Variants in ARMC6 observed in about 807,000 individuals in gnomAD.
ARMC6 encodes armadillo repeat containing 6.
ARMC6 carries 43 observed loss-of-function variants against 49.2 expected under a neutral mutation model. The observed-to-expected ratio is 0.87, with a 90% CI of 0.69 to 1.13. ARMC6 has a LOEUF of 1.13. ARMC6 is among the 50% of genes most tolerant of loss of function. The pLI, the probability that ARMC6 is intolerant of heterozygous loss-of-function variation, is 0.00. For missense variants in ARMC6, 627 were observed against 682.0 expected (o/e 0.92, Z 0.90); for synonymous variants, 262 against 289.6 (o/e 0.90, Z 0.97).
At chr19:19,050,927 G>T (rs1392589504) in intron 4 of ARMC6, among the ~76,000 whole-genome samples, 1 of 152,226 alleles carries the variant, frequency 6.6e-6, no homozygotes, top group Non-Finnish European at 1.5e-5. Flanking sequence ...ATGTCCCGAG[G>T]TCATGTAGTT....
intron 8 of ARMC6, among the ~76,000 whole-genome samples, chr19:19,057,038 G>A (rs10423504): frequency 0.02 from 3,102 of 152,362 alleles, 102 homozygotes; most frequent in African/African-American, 0.071. Context: ...GGGTAGGGAT[G>A]TAATTGACAG....
At chr19:19,046,454 C>T (rs1480389788) in intron 4 of ARMC6, among the ~76,000 whole-genome samples, 1 of 151,900 alleles carries the variant, frequency 6.6e-6, no homozygotes, top group Non-Finnish European at 1.5e-5. Flanking sequence ...GCCTCGGCCT[C>T]CCAAAGTGCT....
At chr19:19,042,395 C>A (rs953626194) in intron 2 of ARMC6, among the ~76,000 whole-genome samples, 8 of 151,520 alleles carry the variant, frequency 5.3e-5, no homozygotes, top group Non-Finnish European at 8.8e-5. Context: ...GTGGCCCAGG[C>A]TGGAGTGTAG....
Position 19,055,533 on chromosome 19 carries a change from T to G in ARMC6, c.1155+137T>G, listed in dbSNP as rs1200034381. On this transcript the variant is annotated intron_variant, in intron 7 of 8. Coordinates refer to ENST00000535612, the MANE Select transcript of ARMC6 (RefSeq NM_001199196.2). This position sits in a 1 kb window ranked among gnomAD's most constrained non-coding sequence, Gnocchi z 5.7. ...AGGGTCGTGGGCATTGGCTCTCAAA[T>G]GCTGACCTGCGTATGCATGACTTTG... 1 of 1,318,970 alleles carries G rather than the reference T, an allele frequency of 7.6e-7. No homozygotes were observed. The highest frequency in any genetic ancestry group is 1.0e-6 in the Non-Finnish European group (1 of 981,314). 81.7% of individuals were successfully genotyped at this position (1,318,970 alleles called of 1,614,324 possible).
rs2059501432 is a variant in ARMC6 at position 19,052,015 on chromosome 19, C to T, written c.673C>T (p.Leu225=). 2 of 1,614,062 alleles carry T rather than the reference C, an allele frequency of 1.2e-6. No homozygotes were observed. The highest frequency in any genetic ancestry group is 1.7e-6 in the Non-Finnish European group (2 of 1,180,048). The part of the protein sequence containing the change: ...DLVKAGVLPL[L]TGAITHHGHH... ...GGTGAAAGCTGGCGTGCTGCCTCTG[C>T]TGACTGGTGCCATCACCCATCATGG... Residue 225 remains leucine, a synonymous_variant, in exon 5 of 9, where the codon CTG becomes TTG. Coordinates refer to ENST00000535612, the MANE Select transcript of ARMC6 (RefSeq NM_001199196.2).
intron 4 of ARMC6, among the ~76,000 whole-genome samples, chr19:19,048,143 C>T (rs1036089550): frequency 1.3e-5 from 2 of 151,894 alleles, no homozygotes; most frequent in Non-Finnish European, 2.9e-5. Flanking sequence ...GTCAGGTGTT[C>T]GAGACCAGCC....
chr19:19,034,665 T>C (rs1304984001), intron 2 of ARMC6, among the ~76,000 whole-genome samples: 2 of 152,172 alleles, frequency 1.3e-5, no homozygotes, highest in Non-Finnish European at 2.9e-5. Flanking sequence ...CTTGACTCAC[T>C]GCAACCTCCA....
Position 19,058,152 on chromosome 19 carries a change from A to G in ARMC6, c.*524A>G, listed in dbSNP as rs932841526. On this transcript the variant is annotated 3_prime_UTR_variant, in exon 9 of 9. Transcript: ENST00000535612. ...CCTGGGCCAGCCAGGATACCTGATA[A>G]TAAAAGATCATTGGGTGAACAGCGG... 3 of 180,712 alleles carry G rather than the reference A, an allele frequency of 1.7e-5. No homozygotes were observed. Among genetic ancestry groups the G allele is most frequent in the Admixed American group, 5.8e-5 (1 of 17,324 alleles). 11.2% of individuals were successfully genotyped at this position (180,712 alleles called of 1,614,324 possible). A position where few individuals can be genotyped will look rare whatever the true frequency, so the allele number is the denominator to read the frequency against.
chr19:19,045,503 T>TTTTTTTTTTTTTTTTTTTTC (rs1179872355), intron 4 of ARMC6, among the ~76,000 whole-genome samples: 2 of 141,014 alleles, frequency 1.4e-5, no homozygotes, highest in African/African-American at 5.5e-5. Context: ...CTTTTTTTTT[T>TTTTTTTTTTTTTTTTTTTTC]TGAGACAAGA....
Position 19,054,164 on chromosome 19 carries a change from A to G in ARMC6, c.866A>G (p.Asn289Ser), listed in dbSNP as rs2059523157. The G allele has an allele frequency of 6.3e-7, 1 of 1,583,814 alleles. No individual in the cohort carries two copies. Among genetic ancestry groups the G allele is most frequent in the African/African-American group, 1.4e-5 (1 of 73,536 alleles). Residue 289 changes from asparagine to serine, a missense_variant, in exon 6 of 9, where the codon AAC becomes AGC. Asn to Ser is a conservative substitution (Grantham distance 46, BLOSUM62 1). Transcript: ENST00000535612. ...LIEATKAFLDNPGILSELCGT... is the reference protein window; with the variant it reads ...LIEATKAFLDSPGILSELCGT... ...TTTCTCCCTGCAGCGTTCCTGGATA[A>G]CCCTGGCATCCTGAGCGAGCTCTGT...
Position 19,055,375 on chromosome 19 carries a change from C to T in ARMC6, c.1134C>T (p.Thr378=). 6.2e-7 allele frequency: 1 copy of T among 1,610,526 alleles called. No homozygotes were observed. Among genetic ancestry groups the T allele is most frequent in the African/African-American group, 1.3e-5 (1 of 74,878 alleles). Residue 378 remains threonine (T), a synonymous_variant, in exon 7 of 9, where the codon ACC becomes ACT. Coordinates refer to ENST00000535612, the MANE Select transcript of ARMC6 (RefSeq NM_001199196.2). The surrounding 1 kb of genome is among the most constrained non-coding windows in gnomAD (Gnocchi z 5.7). ...GGTESIVAAM[T]QHLTSPQVCE... ...CGGAGTCCATCGTGGCTGCTATGAC[C>T]CAGCATCTGACCAGCCCCCAGGTAC...
intron 2 of ARMC6, among the ~76,000 whole-genome samples, chr19:19,034,509 T>C (rs1300375580): frequency 6.6e-6 from 1 of 152,150 alleles, no homozygotes; most frequent in Non-Finnish European, 1.5e-5. Flanking sequence ...TAGGGGAGGC[T>C]GGTGTTTGAA....
intron 2 of ARMC6, chr19:19,039,321 G>A (rs2059394290): frequency 2.3e-6 from 1 of 444,308 alleles, no homozygotes; most frequent in South Asian, 1.6e-5. Flanking sequence ...TTTTTTTGTA[G>A]AGACGGGGCC....
chr19:19,036,648 A>T (rs114848707), intron 2 of ARMC6, among the ~76,000 whole-genome samples: 33 of 152,198 alleles, frequency 2.2e-4, no homozygotes, highest in Non-Finnish European at 4.4e-4. Context: ...AGCAGCCCTT[A>T]AAGAGCTCCC....
rs748551292 is a variant in ARMC6, at chr19:19,057,709, C to A, written c.*81C>A. ...GGTAGATCCATGTCCTCCACTGTCC[C>A]CCATTAGTTCTGTCCCCTTCACAAT... On this transcript the variant is annotated 3_prime_UTR_variant, in exon 9 of 9. Transcript: ENST00000535612. 7 of 1,387,416 alleles carry A rather than the reference C, an allele frequency of 5.0e-6. No individual in the cohort carries two copies. The African/African-American group carries it at 8.5e-5, about 17-fold the overall frequency. 85.9% of individuals were successfully genotyped at this position (1,387,416 alleles called of 1,614,324 possible).
intron 2 of ARMC6, among the ~76,000 whole-genome samples, chr19:19,040,370 A>C (rs573300776): frequency 6.6e-6 from 1 of 152,068 alleles, no homozygotes; most frequent in African/African-American, 2.4e-5. Flanking sequence ...ACTTTTCCTC[A>C]TCCTCTTTTT....
intron 4 of ARMC6, among the ~76,000 whole-genome samples, chr19:19,047,169 A>G (rs920433767): frequency 3.3e-5 from 5 of 152,046 alleles, no homozygotes; most frequent in African/African-American, 1.2e-4. Context: ...CATTCTTAGC[A>G]TAAAGGATTC....
intron 4 of ARMC6, 88 bp from the exon 5 acceptor site, chr19:19,051,534 G>A: frequency 7.9e-7 from 1 of 1,265,892 alleles, no homozygotes. Context: ...CCCAGGGGAG[G>A]GAACCTTGCA....
Position 19,055,282 on chromosome 19 carries a change from G to T in ARMC6, c.1041G>T (p.Val347=), listed in dbSNP as rs1207070270. 6.2e-7 allele frequency: 1 copy of T among 1,608,304 alleles called. No homozygotes were observed. Among genetic ancestry groups the T allele is most frequent in the Admixed American group, 1.7e-5 (1 of 59,416 alleles). ...TTGTGCAGGAGCTCGTGAAGCAAGT[G>T]CTGAGCACCCTGCGAGCCATCGCAG... ...QSGVQELVKQ[V]LSTLRAIAGN... is the part of the protein sequence containing the mutation. Residue 347 remains valine (V), a synonymous_variant, in exon 7 of 9, where the codon GTG becomes GTT. Transcript: ENST00000535612. The surrounding 1 kb of genome is among the most constrained non-coding windows in gnomAD (Gnocchi z 5.7).
Sources: allele counts gnomAD v4.1 joint callset (sites outside exome capture counted in the v4.1 genomes callset), GRCh38; gene constraint gnomAD v4.1.1; non-coding constraint Gnocchi (gnomAD v3.1); transcripts MANE v1.5; gene names NCBI Gene and HGNC (gene_info 2026-07-23, HGNC 2026-07-21).